The following TAFA1 variants were observed in gnomAD, a reference collection of about 807,000 sequenced individuals.
The protein encoded by TAFA1 is chemokine-like protein TAFA-1.
In TAFA1, 4 loss-of-function variants were observed where a neutral mutation model predicts 18.5. That is an observed-to-expected ratio of 0.22 (90% CI 0.11 to 0.49). TAFA1 has a LOEUF of 0.49. Among genes scored for constraint, TAFA1 ranks in the 20% least tolerant of loss-of-function variants. The probability of loss-of-function intolerance (pLI) is 0.98; values close to 1 mark genes in which losing one functional copy is unlikely to be tolerated. For synonymous variants in TAFA1, 56 were observed against 55.2 expected (o/e 1.01, Z -0.06); for missense variants, 147 against 169.0 (o/e 0.87, Z 0.72).
intron 2 of TAFA1, among the ~76,000 whole-genome samples, chr3:68,152,882 A>C (rs1019472057): frequency 6.6e-6 from 1 of 152,070 alleles, no homozygotes; most frequent in African/African-American, 2.4e-5. Context: ...AGAAATCAGC[A>C]GGGTGGCATG....
At chr3:68,040,311 G>C (rs772302727) in intron 2 of TAFA1, among the ~76,000 whole-genome samples, 118 of 152,016 alleles carry the variant, frequency 7.8e-4, no homozygotes, top group Non-Finnish European at 1.3e-3. Flanking sequence ...CTCCCCTCCT[G>C]CTGAGCCAGC....
intron 2 of TAFA1, among the ~76,000 whole-genome samples, chr3:68,261,905 TTAAAG>T (rs1218525101): frequency 3.5e-5 from 5 of 143,532 alleles, no homozygotes; most frequent in Non-Finnish European, 7.5e-5. Context: ...ACCCTAAAAC[TTAAAG>T]TATAATAATA....
intron 2 of TAFA1, among the ~76,000 whole-genome samples, chr3:68,172,446 G>A (rs899434247): frequency 6.6e-6 from 1 of 152,146 alleles, no homozygotes; most frequent in Non-Finnish European, 1.5e-5. Flanking sequence ...TACATTGCTG[G>A]TGGGATTATA....
chr3:68,452,417 G>A (rs2071579724), intron 3 of TAFA1, among the ~76,000 whole-genome samples: 1 of 151,462 alleles, frequency 6.6e-6, no homozygotes, highest in Non-Finnish European at 1.5e-5. Context: ...TAGCTACTCG[G>A]GAGGCTGAGA....
chr3:68,459,208 ATGAGTGTCTTGTCC>A (rs1473830166), intron 3 of TAFA1, among the ~76,000 whole-genome samples: 1 of 152,182 alleles, frequency 6.6e-6, no homozygotes, highest in Non-Finnish European at 1.5e-5. Context: ...AGCTGAGGGA[ATGAGTGTCTTGTCC>A]TGAGAGGGGA....
chr3:68,105,908 G>A (rs1259206335), intron 2 of TAFA1, among the ~76,000 whole-genome samples: 2 of 152,128 alleles, frequency 1.3e-5, no homozygotes, highest in Non-Finnish European at 2.9e-5. Context: ...GACAGGATAT[G>A]TCAGAAACTG....
At position 68,370,367 on chromosome 3, in the gene TAFA1, C is replaced by CAT. The variant is rs1216266897; in HGVS notation, c.119-46903_119-46902dup. Among the ~76,000 whole-genome samples the CAT allele has an allele frequency of 4.3e-3, 242 of 56,654 alleles. 6 individuals are homozygous for CAT. Among genetic ancestry groups the CAT allele is most frequent in the East Asian group, 0.035 (63 of 1,818 alleles). The allele number at this position is 56,654 out of a possible 152,430, so 37.2% of individuals were successfully genotyped here. The stretch of plus-strand genomic sequence containing the variant: ...ATATATATATATACACACACACACA[C>CAT]ATATATATATACACATATATATACA... On this transcript the variant is annotated intron_variant, in intron 2 of 4. Transcript: ENST00000478136.
At chr3:68,531,985 A>G (rs1470012892) in intron 3 of TAFA1, among the ~76,000 whole-genome samples, 1 of 152,198 alleles carries the variant, frequency 6.6e-6, no homozygotes, top group East Asian at 1.9e-4. Context: ...ATCTTAATTC[A>G]AAATATTTAA....
At chr3:68,399,370 T>C (rs2070443714) in intron 2 of TAFA1, among the ~76,000 whole-genome samples, 1 of 152,168 alleles carries the variant, frequency 6.6e-6, no homozygotes, top group African/African-American at 2.4e-5. Context: ...TTATTTCATT[T>C]CTCTGTTATT....
chr3:68,092,548 A>AATGG (rs1442677371), intron 2 of TAFA1, among the ~76,000 whole-genome samples: 1 of 152,140 alleles, frequency 6.6e-6, no homozygotes, highest in Non-Finnish European at 1.5e-5. Flanking sequence ...ACCAGTGATA[A>AATGG]ATGGACAAGA....
chr3:68,363,422 G>A (rs2069507153), intron 2 of TAFA1, among the ~76,000 whole-genome samples: 1 of 152,130 alleles, frequency 6.6e-6, no homozygotes, highest in South Asian at 2.1e-4. Context: ...CAAATCTTAT[G>A]AGGTAGAGTG....
chr3:68,136,415 G>C (rs1419300784), intron 2 of TAFA1, among the ~76,000 whole-genome samples: 1 of 152,164 alleles, frequency 6.6e-6, no homozygotes, highest in African/African-American at 2.4e-5. Context: ...CAAAAGGACA[G>C]AGCCTTTTCT....
At chr3:68,109,476 A>G (rs1575620861) in intron 2 of TAFA1, among the ~76,000 whole-genome samples, 1 of 152,308 alleles carries the variant, frequency 6.6e-6, no homozygotes, top group East Asian at 1.9e-4. Flanking sequence ...GTTTAATTGC[A>G]TGGAATAAAA....
chr3:68,384,263 G>C (rs924470107), intron 2 of TAFA1, among the ~76,000 whole-genome samples: 1 of 151,834 alleles, frequency 6.6e-6, no homozygotes, highest in African/African-American at 2.4e-5. Context: ...TTTTGTTGTG[G>C]TGTTGGGTTG....
Position 68,253,573 on chromosome 3 carries a change from T to G in TAFA1, c.119-163707T>G, listed in dbSNP as rs73836820. Among the ~76,000 whole-genome samples the G allele has an allele frequency of 9.7e-3, 1,482 of 152,302 alleles. 15 individuals are homozygous for G. The highest frequency in any genetic ancestry group is 0.03 in the African/African-American group (1,251 of 41,568). ...GCATTGCTGTTTAACTGTCTTACATTAATATTTTCTCTCTCCAGCCAGACT... is the reference window on the plus strand; with the variant it reads ...GCATTGCTGTTTAACTGTCTTACATGAATATTTTCTCTCTCCAGCCAGACT... On this transcript the variant is annotated intron_variant, in intron 2 of 4. Coordinates refer to ENST00000478136, the MANE Select transcript of TAFA1 (RefSeq NM_213609.4).
At chr3:68,191,952 T>C (rs1007847490) in intron 2 of TAFA1, among the ~76,000 whole-genome samples, 1 of 151,848 alleles carries the variant, frequency 6.6e-6, no homozygotes, top group African/African-American at 2.4e-5. Context: ...TTTCTTTGCT[T>C]CAACCATTCT....
chr3:68,418,493 C>T (rs1006363806), intron 3 of TAFA1, among the ~76,000 whole-genome samples: 1 of 128,156 alleles, frequency 7.8e-6, no homozygotes, highest in African/African-American at 2.9e-5. Context: ...CGGCCATTTA[C>T]ACTTCTTTTG....
chr3:68,339,822 G>A (rs759174125), intron 2 of TAFA1, among the ~76,000 whole-genome samples: 1 of 152,098 alleles, frequency 6.6e-6, no homozygotes, highest in Non-Finnish European at 1.5e-5. Flanking sequence ...AAAAGAGAGG[G>A]GTGGAGGGGC....
At chr3:68,239,890 T>C (rs73836810) in intron 2 of TAFA1, among the ~76,000 whole-genome samples, 2,348 of 152,304 alleles carry the variant, frequency 0.015, 44 homozygotes, top group East Asian at 0.089. Flanking sequence ...GAATTTGCCT[T>C]TTAAATATAT....
Sources: gnomAD v4.1 joint callset for allele counts (sites outside exome capture counted in the v4.1 genomes callset) on GRCh38, gnomAD v4.1.1 for gene constraint, MANE v1.5 for transcripts, NCBI Gene and HGNC (gene_info 2026-07-23, HGNC 2026-07-21) for gene names.